MYH11: variants seen among roughly 807,000 people sequenced by gnomAD.
MYH11 encodes myosin-11.
A neutral mutation model predicts 246.6 loss-of-function variants in MYH11; 80 were observed. The ratio of observed to expected loss-of-function variants is 0.32; its 90% CI spans 0.27 to 0.39. The LOEUF is 0.39. Among genes scored for constraint, MYH11 ranks in the 10% least tolerant of loss-of-function variants. The pLI is 1.00. For missense variants in MYH11, 2,158 were observed against 2,546.8 expected, an observed-to-expected ratio of 0.85 and a Z score of 3.29; for synonymous variants, 1,071 against 1,015.5, an observed-to-expected ratio of 1.05 and a Z score of -1.04.
intron 1 of MYH11, among the ~76,000 whole-genome samples, chr16:15,846,898 G>A (rs1017303257): frequency 6.6e-6 from 1 of 152,108 alleles, no homozygotes; most frequent in Non-Finnish European, 1.5e-5. Context: ...GGGATGCAGT[G>A]AGCCATGATC....
chr16:15,738,388 C>G (rs1447445544), intron 24 of MYH11, among the ~76,000 whole-genome samples, 177 bp downstream of exon 24: 1 of 152,080 alleles, frequency 6.6e-6, no homozygotes, highest in Non-Finnish European at 1.5e-5. Flanking sequence ...TGATGCACGC[C>G]TGTAGTCTCA....
chr16:15,844,354 C>A (rs571159494), intron 1 of MYH11, among the ~76,000 whole-genome samples: 3 of 152,146 alleles, frequency 2.0e-5, no homozygotes, highest in Non-Finnish European at 4.4e-5. Context: ...CATGCCACCA[C>A]GCCTGGCTGA....
At chr16:15,819,276 T>C (rs558300337) in intron 3 of MYH11, among the ~76,000 whole-genome samples, 2 of 152,328 alleles carry the variant, frequency 1.3e-5, no homozygotes, top group South Asian at 4.1e-4. Flanking sequence ...CTAGAGACCA[T>C]GAGGAATCAA....
chr16:15,718,238 C>A (rs950475167), intron 37 of MYH11, 77 bp downstream of exon 37: 1 of 1,599,492 alleles, frequency 6.3e-7, no homozygotes, highest in South Asian at 1.1e-5. Context: ...AGCCGCCACG[C>A]GTGTGTTGAC....
intron 4 of MYH11, among the ~76,000 whole-genome samples, chr16:15,796,792 A>G (rs983633574): frequency 2.0e-5 from 3 of 152,204 alleles, no homozygotes; most frequent in South Asian, 2.1e-4. Flanking sequence ...TGCAGGATTT[A>G]AAGATGGAGG....
rs1260332338 is a variant in MYH11, at chr16:15,816,050, G to A, written c.502+7205C>T. ...TGTTAGAGAAGCATCAAGCCTCTCA[G>A]ATATGGAAGTTCTCAATGCCTCAAG... On this transcript the variant is annotated intron_variant, in intron 3 of 40. Coordinates refer to ENST00000300036, the MANE Select transcript of MYH11 (RefSeq NM_002474.3). Among the ~76,000 whole-genome samples, 3 of 152,178 alleles carry A rather than the reference G, an allele frequency of 2.0e-5. No individual in the cohort carries two copies. The East Asian group carries it at 5.8e-4, about 29-fold the overall frequency.
intron 40 of MYH11, among the ~76,000 whole-genome samples, chr16:15,710,245 G>A (rs960983209): frequency 3.3e-5 from 5 of 152,070 alleles, no homozygotes; most frequent in East Asian, 1.9e-4. Context: ...TGGGCCGGCC[G>A]GGCATGGTGG....
intron 3 of MYH11, among the ~76,000 whole-genome samples, chr16:15,814,115 G>A (rs1377454388): frequency 1.3e-5 from 2 of 150,516 alleles, no homozygotes; most frequent in African/African-American, 4.9e-5. Context: ...TCCAGCTTGC[G>A]CGACAAGAGG....
chr16:15,752,607 A>G (rs2041601739), intron 15 of MYH11, among the ~76,000 whole-genome samples: 1 of 152,160 alleles, frequency 6.6e-6, no homozygotes, highest in Non-Finnish European at 1.5e-5. Context: ...GGCCAGGTGC[A>G]GTGGCTCACA....
chr16:15,766,368 T>C (rs1210136465), intron 9 of MYH11, among the ~76,000 whole-genome samples: 1 of 144,294 alleles, frequency 6.9e-6, no homozygotes, highest in Admixed American at 6.9e-5. Flanking sequence ...TGTGTGTGTG[T>C]GTGTGTGTGT....
intron 16 of MYH11, among the ~76,000 whole-genome samples, chr16:15,748,517 C>G (rs1014070490): frequency 6.6e-6 from 1 of 152,168 alleles, no homozygotes; most frequent in Non-Finnish European, 1.5e-5. Flanking sequence ...CCCCACTTCT[C>G]TTCACCACCA....
rs201401918 is a variant in MYH11, at chr16:15,756,401, G to A, written c.1689C>T (p.Phe563=). The A allele has an allele frequency of 2.0e-5, 32 of 1,614,020 alleles. No homozygotes were observed. The highest frequency in any genetic ancestry group is 2.7e-5 in the Non-Finnish European group (32 of 1,180,042). The change falls in exon 14 of 41, where the codon TTC becomes TTT. Residue 563 remains phenylalanine (F), a synonymous_variant. Coordinates refer to ENST00000300036, the MANE Select transcript of MYH11 (RefSeq NM_002474.3). ...LCTEQGSHPK[F]QKPKQLKDKT... ...TGTCCTTGAGCTGCTTGGGCTTCTG[G>A]AACTTGGGGTGGCTGCCCTGCTCCG...
chr16:15,787,035 G>A (rs2042486382), intron 4 of MYH11, among the ~76,000 whole-genome samples: 1 of 152,206 alleles, frequency 6.6e-6, no homozygotes, highest in Non-Finnish European at 1.5e-5. Context: ...ACTTGGGGAG[G>A]CTGAGGTGGG....
chr16:15,830,042 G>A (rs1322364727), intron 2 of MYH11, among the ~76,000 whole-genome samples: 4 of 152,184 alleles, frequency 2.6e-5, no homozygotes, highest in African/African-American at 9.7e-5. Flanking sequence ...AGCTGAGGCA[G>A]GAGAACTGCT....
chr16:15,718,199 G>A, intron 37 of MYH11, 116 bp downstream of exon 37: 2 of 1,538,114 alleles, frequency 1.3e-6, no homozygotes, highest in Non-Finnish European at 1.8e-6. Context: ...CCACCCTCTT[G>A]TCCCTCAATC....
chr16:15,765,645 A>T (rs1387218516), intron 9 of MYH11, among the ~76,000 whole-genome samples: 4 of 151,750 alleles, frequency 2.6e-5, no homozygotes, highest in Non-Finnish European at 5.9e-5. Flanking sequence ...ACCAGACATT[A>T]CAAGGCCCTT....
chr16:15,707,059 A>G, intron 40 of MYH11, among the ~76,000 whole-genome samples: 1 of 152,036 alleles, frequency 6.6e-6, no homozygotes, highest in Non-Finnish European at 1.5e-5. Flanking sequence ...TTTTTTTTGA[A>G]ATAGAGTCTC....
At chr16:15,708,094 G>A (rs2039564070) in intron 40 of MYH11, among the ~76,000 whole-genome samples, 1 of 152,094 alleles carries the variant, frequency 6.6e-6, no homozygotes, top group African/African-American at 2.4e-5. Flanking sequence ...TGCCCGTGAA[G>A]CCTCCAGAAA....
Position 15,704,665 on chromosome 16 carries a change from G to A in MYH11, c.5787-542C>T, listed in dbSNP as rs71376092. Among the ~76,000 whole-genome samples, 796 of 152,274 alleles carry A rather than the reference G, an allele frequency of 5.2e-3. 11 individuals are homozygous for A. The highest frequency in any genetic ancestry group is 0.025 in the South Asian group (120 of 4,822). Reference sequence around the variant, plus strand: ...GGCAGCCTTGAGAAGGACACAGAGGGGCTCCCTGGTTAAAAGGCGAGACAG... The same window carrying A: ...GGCAGCCTTGAGAAGGACACAGAGGAGCTCCCTGGTTAAAAGGCGAGACAG... On this transcript the variant is annotated intron_variant, in intron 40 of 40. Coordinates refer to ENST00000300036, the MANE Select transcript of MYH11 (RefSeq NM_002474.3).
Sources: allele counts gnomAD v4.1 joint callset (sites outside exome capture counted in the v4.1 genomes callset), GRCh38; gene constraint gnomAD v4.1.1; transcripts MANE v1.5; gene names NCBI Gene and HGNC (gene_info 2026-07-23, HGNC 2026-07-21).